Variants in TOR1AIP1 observed in about 807,000 individuals in gnomAD.
TOR1AIP1 encodes torsin-1A-interacting protein 1.
TOR1AIP1 carries 54 observed loss-of-function variants against 63.3 expected under a neutral mutation model. The observed-to-expected ratio is 0.85, with a 90% CI of 0.69 to 1.07. The LOEUF is 1.07. TOR1AIP1 is among the 50% of genes least tolerant of loss of function. The probability of loss-of-function intolerance (pLI) is 0.00; values close to 1 mark genes in which losing one functional copy is unlikely to be tolerated. For missense variants in TOR1AIP1, 736 were observed against 715.0 expected, an observed-to-expected ratio of 1.03 and a Z score of -0.33; for synonymous variants, 294 against 273.5, an observed-to-expected ratio of 1.07 and a Z score of -0.74.
In TOR1AIP1 at chr1:179,907,814, C is replaced by T; in HGVS notation, c.797-9C>T. 6.3e-7 allele frequency: 1 copy of T among 1,578,046 alleles called. No homozygotes were observed. The highest frequency in any genetic ancestry group is 8.6e-7 in the Non-Finnish European group (1 of 1,161,022). On this transcript the variant is annotated splice_polypyrimidine_tract_variant and intron_variant, in intron 6 of 9. Coordinates refer to ENST00000606911, the MANE Select transcript of TOR1AIP1 (RefSeq NM_015602.4). ...TATTCTATGACCTTATCCCTGTTTT[C>T]TGTTTCAGGTCAAAACTTCACAGCT... is the stretch of plus-strand genomic sequence containing the variant.
chr1:179,917,310 A>T, intron 9 of TOR1AIP1, 142 bp from the exon 10 acceptor site: 1 of 731,788 alleles, frequency 1.4e-6, no homozygotes, highest in Non-Finnish European at 2.2e-6. Context: ...TTATTTTATT[A>T]AGAAAATTAT....
At chr1:179,897,113 GATAA>G (rs1648308448) in intron 3 of TOR1AIP1, among the ~76,000 whole-genome samples, 1 of 151,998 alleles carries the variant, frequency 6.6e-6, no homozygotes, top group South Asian at 2.1e-4. Flanking sequence ...GAATACTATT[GATAA>G]ATATTTATTG....
intron 3 of TOR1AIP1, among the ~76,000 whole-genome samples, chr1:179,889,673 G>A (rs531378972): frequency 1.4e-5 from 2 of 142,232 alleles, no homozygotes; most frequent in African/African-American, 2.6e-5. Flanking sequence ...TTTTTAATTT[G>A]AGACAAGATC....
At chr1:179,900,282 C>G (rs907886454) in intron 4 of TOR1AIP1, 115 bp downstream of exon 4, 2 of 653,300 alleles carry the variant, frequency 3.1e-6, no homozygotes, top group African/African-American at 1.9e-5. Flanking sequence ...GTGGCACATG[C>G]CTGTAGTCTC....
chr1:179,893,909 C>A (rs550553259), intron 3 of TOR1AIP1, among the ~76,000 whole-genome samples: 8 of 152,276 alleles, frequency 5.3e-5, no homozygotes, highest in African/African-American at 1.9e-4. Flanking sequence ...CTTAAAATAT[C>A]TACTATTTAG....
At chr1:179,892,809 AT>A (rs1282721550) in intron 3 of TOR1AIP1, among the ~76,000 whole-genome samples, 1 of 152,086 alleles carries the variant, frequency 6.6e-6, no homozygotes, top group Non-Finnish European at 1.5e-5. Flanking sequence ...TTGCTAGAGC[AT>A]TTTTATAAGC....
chr1:179,890,197 C>T (rs12119285), intron 3 of TOR1AIP1, among the ~76,000 whole-genome samples: 3,153 of 152,184 alleles, frequency 0.021, 46 homozygotes, highest in Middle Eastern at 0.054. Flanking sequence ...TTGACTAAAA[C>T]GATTAAAAGT....
In TOR1AIP1 at chr1:179,911,350, G is replaced by GA. The variant is rs566374122; in HGVS notation, c.908-2640dup. 2.3e-4 allele frequency among the ~76,000 whole-genome samples: 35 copies of GA among 152,004 alleles called. No individual in the cohort carries two copies. The South Asian group carries it at 6.7e-3, about 29-fold the overall frequency. ...ATATATTTCTGCCCGCTTTGGTGAGGAAAAAAAAGTCATTTTTAGAGCTGA... is the reference window on the plus strand; with the variant it reads ...ATATATTTCTGCCCGCTTTGGTGAGGAAAAAAAAAGTCATTTTTAGAGCTGA... On this transcript the variant is annotated intron_variant, in intron 8 of 9. Coordinates refer to ENST00000606911, the MANE Select transcript of TOR1AIP1 (RefSeq NM_015602.4).
At position 179,918,700 on chromosome 1, in the gene TOR1AIP1, C is replaced by T. The variant is rs1213170470; in HGVS notation, c.*461C>T. 6.5e-6 allele frequency: 1 copy of T among 154,778 alleles called. No individual in the cohort carries two copies. The highest frequency in any genetic ancestry group is 1.4e-5 in the Non-Finnish European group (1 of 69,740). 9.6% of individuals were successfully genotyped at this position (154,778 alleles called of 1,614,324 possible). A position where few individuals can be genotyped will look rare whatever the true frequency, so the allele number is the denominator to read the frequency against. On this transcript the variant is annotated 3_prime_UTR_variant, in exon 10 of 10. Coordinates refer to ENST00000606911, the MANE Select transcript of TOR1AIP1 (RefSeq NM_015602.4). ...CATTTAGGTGTGAGTTCCTTAGCTTCTGCCTATAGGAACATAAGTAATGAA... is the reference window on the plus strand; with the variant it reads ...CATTTAGGTGTGAGTTCCTTAGCTTTTGCCTATAGGAACATAAGTAATGAA...
intron 3 of TOR1AIP1, among the ~76,000 whole-genome samples, chr1:179,898,815 G>T (rs1648361877): frequency 1.3e-5 from 2 of 151,642 alleles, no homozygotes; most frequent in Admixed American, 1.3e-4. Context: ...GTGTTCCTAA[G>T]AAACCTAGAG....
At chr1:179,883,180 G>A in intron 1 of TOR1AIP1, 1 of 607,700 alleles carries the variant, frequency 1.6e-6, no homozygotes. Context: ...CCGGAGGAGT[G>A]GAAAGATGGT....
At position 179,918,451 on chromosome 1, in the gene TOR1AIP1, A is replaced by C. The variant is rs1649092810; in HGVS notation, c.*212A>C. 1 of 559,236 alleles carries C rather than the reference A, an allele frequency of 1.8e-6. No homozygotes were observed. The highest frequency in any genetic ancestry group is 1.9e-5 in the African/African-American group (1 of 52,896). 34.6% of individuals were successfully genotyped at this position (559,236 alleles called of 1,614,324 possible). ...TCAGTTTCCATTGAGAGCTCTGTTA[A>C]AGGTATCTTAGGAGTGCAGATTATA... On this transcript the variant is annotated 3_prime_UTR_variant, in exon 10 of 10. Transcript: ENST00000606911.
intron 3 of TOR1AIP1, among the ~76,000 whole-genome samples, chr1:179,894,616 G>A (rs982621755): frequency 2.0e-5 from 3 of 152,084 alleles, no homozygotes; most frequent in Admixed American, 6.5e-5. Flanking sequence ...AACCTGGGAG[G>A]TGGAGGTTGT....
chr1:179,907,873 T>A lies in TOR1AIP1; in HGVS notation c.838+9T>A, dbSNP rs759978101. 1 of 1,549,698 alleles carries A rather than the reference T, an allele frequency of 6.5e-7. No homozygotes were observed. Among genetic ancestry groups the A allele is most frequent in the East Asian group, 2.4e-5 (1 of 42,464 alleles). ...GCAACCTTCAGTGCTAAGTAAGTAG[T>A]TGGTTGTCTGCTCTTTTTTCAGCCA... On this transcript the variant is annotated intron_variant, in intron 7 of 9. Transcript: ENST00000606911.
At chr1:179,917,129 AAAT>A (rs1254545071) in intron 9 of TOR1AIP1, among the ~76,000 whole-genome samples, 1 of 152,230 alleles carries the variant, frequency 6.6e-6, no homozygotes. Flanking sequence ...TTAGCAGTGA[AAAT>A]AATAACTTCG....
At chr1:179,914,522 G>C (rs1435679507) in intron 9 of TOR1AIP1, among the ~76,000 whole-genome samples, 3 of 152,208 alleles carry the variant, frequency 2.0e-5, no homozygotes, top group Non-Finnish European at 4.4e-5. Flanking sequence ...TGGGCTGAGC[G>C]TGGTGGCTCA....
Position 179,908,486 on chromosome 1 carries a change from T to C in TOR1AIP1, c.839-119T>C, listed in dbSNP as rs555826357. 17 of 783,462 alleles carry C rather than the reference T, an allele frequency of 2.2e-5. No individual in the cohort carries two copies. The African/African-American group carries it at 3.0e-4, about 14-fold the overall frequency. 48.5% of individuals were successfully genotyped at this position (783,462 alleles called of 1,614,324 possible). On this transcript the variant is annotated intron_variant, in intron 7 of 9. Coordinates refer to ENST00000606911, the MANE Select transcript of TOR1AIP1 (RefSeq NM_015602.4). ...CTTTTACTTATAAAACTATTGCTTT[T>C]ATTGTTTTCTTCCCCTACTTTATTT...
At chr1:179,898,972 A>T (rs1239832497) in intron 3 of TOR1AIP1, among the ~76,000 whole-genome samples, 1 of 152,120 alleles carries the variant, frequency 6.6e-6, no homozygotes, top group Non-Finnish European at 1.5e-5. Context: ...CACTGTCAAG[A>T]GGAAGTATTT....
intron 8 of TOR1AIP1, 125 bp from the exon 9 acceptor site, chr1:179,913,870 TCTG>T (rs780032008): frequency 1.2e-6 from 1 of 834,960 alleles, no homozygotes; most frequent in Non-Finnish European, 1.9e-6. Context: ...TACTTTTTCT[TCTG>T]CTTCTGGCTG....
Sources: allele counts gnomAD v4.1 joint callset (sites outside exome capture counted in the v4.1 genomes callset), GRCh38; gene constraint gnomAD v4.1.1; transcripts MANE v1.5; gene names NCBI Gene and HGNC (gene_info 2026-07-23, HGNC 2026-07-21).